TMEM135: variants seen among roughly 807,000 people sequenced by gnomAD.
TMEM135 encodes the protein transmembrane protein 135, also known as peroxisomal membrane protein 52.
TMEM135 carries 30 observed loss-of-function variants against 60.3 expected under a neutral mutation model. The observed-to-expected ratio is 0.50, with a 90% CI of 0.37 to 0.68. The LOEUF (loss-of-function observed/expected upper bound fraction) is 0.68, where lower values mean the gene tolerates loss of function less well. TMEM135 is among the 30% of genes least tolerant of loss of function. The pLI, the probability that TMEM135 is intolerant of heterozygous loss-of-function variation, is 0.00. For missense variants in TMEM135, 468 were observed against 548.8 expected, an observed-to-expected ratio of 0.85 and a Z score of 1.47; for synonymous variants, 190 against 186.7, an observed-to-expected ratio of 1.02 and a Z score of -0.14.
At chr11:87,171,560 C>T (rs1939237470) in intron 5 of TMEM135, among the ~76,000 whole-genome samples, 1 of 152,160 alleles carries the variant, frequency 6.6e-6, no homozygotes, top group East Asian at 1.9e-4. Flanking sequence ...AAATACTCGT[C>T]TGCATGTCAG....
intron 4 of TMEM135, among the ~76,000 whole-genome samples, chr11:87,100,674 C>G (rs1857437928): frequency 6.6e-6 from 1 of 152,086 alleles, no homozygotes; most frequent in African/African-American, 2.4e-5. Context: ...CCAGCCTGGC[C>G]AACATGGTGA....
At chr11:87,285,925 A>C (rs1266985982) in intron 6 of TMEM135, among the ~76,000 whole-genome samples, 1 of 152,168 alleles carries the variant, frequency 6.6e-6, no homozygotes, top group Non-Finnish European at 1.5e-5. Context: ...ATAATCCCTG[A>C]GCTAGACACA....
chr11:87,161,875 G>T (rs923746860), intron 5 of TMEM135, among the ~76,000 whole-genome samples: 2 of 152,152 alleles, frequency 1.3e-5, no homozygotes, highest in Non-Finnish European at 2.9e-5. Flanking sequence ...ATACCTGCCT[G>T]TTAATTCAGC....
At chr11:87,214,866 G>A (rs74842007) in intron 5 of TMEM135, among the ~76,000 whole-genome samples, 2 of 152,196 alleles carry the variant, frequency 1.3e-5, no homozygotes, top group East Asian at 3.9e-4. Context: ...TTAGGTCATT[G>A]TAAAATATAT....
intron 5 of TMEM135, among the ~76,000 whole-genome samples, chr11:87,213,570 G>T (rs779650326): frequency 6.6e-6 from 1 of 152,078 alleles, no homozygotes; most frequent in East Asian, 1.9e-4. Flanking sequence ...AGTTTAAGTA[G>T]TTCTTCCGTA....
intron 5 of TMEM135, among the ~76,000 whole-genome samples, chr11:87,235,322 G>A (rs1375183235): frequency 6.6e-6 from 1 of 151,438 alleles, no homozygotes; most frequent in Non-Finnish European, 1.5e-5. Context: ...GAGTATGTGT[G>A]TTTAGCACAG....
chr11:87,067,933 T>C, intron 2 of TMEM135, 112 bp downstream of exon 2: 3 of 1,344,220 alleles, frequency 2.2e-6, no homozygotes, highest in Non-Finnish European at 3.1e-6. Flanking sequence ...CCCCCTTTTT[T>C]TAATCTGTGA....
At chr11:87,233,406 A>G (rs1940929961) in intron 5 of TMEM135, among the ~76,000 whole-genome samples, 1 of 152,114 alleles carries the variant, frequency 6.6e-6, no homozygotes, top group South Asian at 2.1e-4. Context: ...GACCCCAATC[A>G]GTTAAAACTA....
chr11:87,142,411 A>G (rs1306718574), intron 4 of TMEM135, among the ~76,000 whole-genome samples: 1 of 152,156 alleles, frequency 6.6e-6, no homozygotes, highest in African/African-American at 2.4e-5. Context: ...TTTGTGTGCA[A>G]AAGATTCTTT....
At chr11:87,263,001 TG>T (rs71470733) in intron 6 of TMEM135, among the ~76,000 whole-genome samples, 28 of 139,736 alleles carry the variant, frequency 2.0e-4, no homozygotes, top group Middle Eastern at 3.8e-3. Flanking sequence ...TCAGTTTTCA[TG>T]GAAAAAAAAA....
chr11:87,259,048 A>G (rs924776732), intron 6 of TMEM135: 1 of 1,418,172 alleles, frequency 7.1e-7, no homozygotes, highest in Non-Finnish European at 9.9e-7. Flanking sequence ...AAACCTGTAC[A>G]TTTTGTGAGC....
At chr11:87,145,652 T>C (rs1938394190) in intron 4 of TMEM135, among the ~76,000 whole-genome samples, 1 of 151,802 alleles carries the variant, frequency 6.6e-6, no homozygotes, top group Non-Finnish European at 1.5e-5. Flanking sequence ...ATCATTGTGG[T>C]TTTAATTTGC....
intron 7 of TMEM135, among the ~76,000 whole-genome samples, chr11:87,299,772 A>T (rs1942411830): frequency 1.3e-5 from 2 of 152,212 alleles, no homozygotes; most frequent in Non-Finnish European, 2.9e-5. Context: ...AATATATTTT[A>T]GGCAAACCTT....
At chr11:87,275,033 T>C (rs1373261941) in intron 6 of TMEM135, among the ~76,000 whole-genome samples, 2 of 151,986 alleles carry the variant, frequency 1.3e-5, no homozygotes, top group African/African-American at 4.8e-5. Flanking sequence ...TATTTTGTTG[T>C]AATATTAAAT....
intron 5 of TMEM135, among the ~76,000 whole-genome samples, chr11:87,208,515 GAA>G (rs34485437): frequency 0.13 from 19,475 of 151,942 alleles, 1,299 homozygotes; most frequent in Non-Finnish European, 0.15. Flanking sequence ...TAAAAATAAA[GAA>G]AAGAAATTTT....
chr11:87,136,766 TTTAAG>T (rs1446964207), intron 4 of TMEM135, among the ~76,000 whole-genome samples: 94 of 152,074 alleles, frequency 6.2e-4, no homozygotes, highest in African/African-American at 1.5e-3. Flanking sequence ...TTCCATTACA[TTTAAG>T]TTGTCAATTA....
intron 5 of TMEM135, among the ~76,000 whole-genome samples, chr11:87,227,458 C>G (rs1249591567): frequency 6.6e-6 from 1 of 151,856 alleles, no homozygotes; most frequent in Non-Finnish European, 1.5e-5. Context: ...GCTCTAAATG[C>G]TCTTTAAGAT....
At chr11:87,212,974 A>G (rs1305102446) in intron 5 of TMEM135, among the ~76,000 whole-genome samples, 1 of 152,162 alleles carries the variant, frequency 6.6e-6, no homozygotes, top group Non-Finnish European at 1.5e-5. Context: ...TCTTAGTTTG[A>G]CATCACTACA....
rs138499047 is a variant in TMEM135 at position 87,152,542 on chromosome 11, G to A, written c.397-4799G>A. ...GCAACCTCCACCTCCTGGTTCAAGC[G>A]ATTCTCCAGCCTCAGCCTTCCAAGC... On this transcript the variant is annotated intron_variant, in intron 4 of 14. Coordinates refer to ENST00000305494, the MANE Select transcript of TMEM135 (RefSeq NM_022918.4). Among the ~76,000 whole-genome samples the A allele has an allele frequency of 5.2e-4, 79 of 152,294 alleles. 1 individual carries two copies. The highest frequency in any genetic ancestry group is 4.3e-4 in the Non-Finnish European group (29 of 68,016).
Sources: gnomAD v4.1 joint callset for allele counts (sites outside exome capture counted in the v4.1 genomes callset) on GRCh38, gnomAD v4.1.1 for gene constraint, MANE v1.5 for transcripts, NCBI Gene and HGNC (gene_info 2026-07-23, HGNC 2026-07-21) for gene names.